The following JPH2 variants were observed in gnomAD, a reference collection of about 807,000 sequenced individuals.
The protein encoded by JPH2 is junctophilin-2.
In JPH2, 38 loss-of-function variants were observed where a neutral mutation model predicts 55.9. The ratio of observed to expected loss-of-function variants is 0.68; its 90% confidence interval spans 0.52 to 0.89. JPH2 has a LOEUF of 0.89. Among genes scored for constraint, JPH2 ranks in the 40% least tolerant of loss-of-function variants. The pLI is 0.00. For missense variants in JPH2, 964 were observed against 1,037.6 expected (o/e 0.93, Z 0.97); for synonymous variants, 480 against 472.4 (o/e 1.02, Z -0.21).
In JPH2 at chr20:44,128,130, C is replaced by T. The variant is rs1441981926; in HGVS notation, c.1170-9507G>A. On this transcript the variant is annotated intron_variant, in intron 2 of 5. Coordinates refer to ENST00000372980, the MANE Select transcript of JPH2 (RefSeq NM_020433.5). ...TTTATTTTAATGGAGTCCAATTTAGCTATCTTTTGTCACTTGTGCTTTTGT... is the reference window on the plus strand; with the variant it reads ...TTTATTTTAATGGAGTCCAATTTAGTTATCTTTTGTCACTTGTGCTTTTGT... 5.9e-5 allele frequency among the ~76,000 whole-genome samples: 9 copies of T among 152,260 alleles called. No individual in the cohort carries two copies. In the South Asian group the frequency reaches 6.2e-4, roughly 11 times the overall value.
At chr20:44,148,171 G>GCAA (rs201971135) in intron 2 of JPH2, among the ~76,000 whole-genome samples, 2 of 151,380 alleles carry the variant, frequency 1.3e-5, no homozygotes, top group Non-Finnish European at 2.9e-5. Context: ...TCAAATAACA[G>GCAA]CAACAACAAC....
chr20:44,129,064 T>C (rs572787181), intron 2 of JPH2, among the ~76,000 whole-genome samples: 2 of 152,284 alleles, frequency 1.3e-5, no homozygotes, highest in South Asian at 2.1e-4. Context: ...AGATTTGTTC[T>C]AGTTGAGGTG....
intron 5 of JPH2, among the ~76,000 whole-genome samples, chr20:44,113,916 AT>A (rs1249030229): frequency 6.6e-6 from 1 of 152,170 alleles, no homozygotes; most frequent in African/African-American, 2.4e-5. Context: ...CCAGGCTGGT[AT>A]TGTCATTGAC....
intron 1 of JPH2, among the ~76,000 whole-genome samples, chr20:44,184,015 C>T (rs1324598259): frequency 8.0e-6 from 1 of 125,342 alleles, no homozygotes; most frequent in Non-Finnish European, 1.7e-5. Context: ...AAAAAATTAG[C>T]CAGGTGAGGT....
At chr20:44,115,310 C>G (rs541218236) in intron 4 of JPH2, among the ~76,000 whole-genome samples, 2 of 152,244 alleles carry the variant, frequency 1.3e-5, no homozygotes, top group Admixed American at 6.5e-5. Flanking sequence ...ACTGCTACAC[C>G]TTGTAGCAGA....
intron 1 of JPH2, among the ~76,000 whole-genome samples, chr20:44,165,152 G>T (rs2018604): frequency 0.58 from 87,725 of 151,912 alleles, 25,631 homozygotes; most frequent in East Asian, 0.67. Context: ...TTCTGCATTT[G>T]AATTGTGCTG....
intron 1 of JPH2, among the ~76,000 whole-genome samples, chr20:44,171,272 C>T (rs6073357): frequency 6.6e-6 from 1 of 151,948 alleles, no homozygotes; most frequent in African/African-American, 2.4e-5. Context: ...TCAACTGATC[C>T]CAGGGGGATT....
At chr20:44,122,835 G>A (rs2072248050) in intron 2 of JPH2, among the ~76,000 whole-genome samples, 1 of 152,166 alleles carries the variant, frequency 6.6e-6, no homozygotes, top group African/African-American at 2.4e-5. Context: ...GCCTGCACGT[G>A]AGTATGTGTG....
At chr20:44,144,075 G>A (rs1056139456) in intron 2 of JPH2, among the ~76,000 whole-genome samples, 7 of 152,198 alleles carry the variant, frequency 4.6e-5, no homozygotes, top group African/African-American at 1.7e-4. Flanking sequence ...CTGCCTGGCT[G>A]TGAAGACCTG....
chr20:44,177,605 C>T (rs1390843282), intron 1 of JPH2: 16 of 1,171,544 alleles, frequency 1.4e-5, no homozygotes, highest in Non-Finnish European at 1.7e-5. Flanking sequence ...CACGCTGATG[C>T]CTGGCTGTGA....
At chr20:44,126,974 A>G (rs992967638) in intron 2 of JPH2, among the ~76,000 whole-genome samples, 2 of 152,248 alleles carry the variant, frequency 1.3e-5, no homozygotes, top group Non-Finnish European at 2.9e-5. Context: ...TGTGCTTAGC[A>G]TGAACTGAGC....
At chr20:44,148,898 C>T (rs1179764815) in intron 2 of JPH2, among the ~76,000 whole-genome samples, 1 of 151,912 alleles carries the variant, frequency 6.6e-6, no homozygotes, top group African/African-American at 2.4e-5. Context: ...CCCGTCTCTA[C>T]TAAAAAAATA....
intron 1 of JPH2, among the ~76,000 whole-genome samples, chr20:44,165,623 A>G (rs2072651098): frequency 6.6e-6 from 1 of 152,106 alleles, no homozygotes; most frequent in Admixed American, 6.5e-5. Context: ...CACAGGCCCT[A>G]CCTGACCTCA....
chr20:44,162,783 T>C lies in JPH2; in HGVS notation c.380-2376A>G, dbSNP rs1221264071. ...ATATATATATATATATATATATATA[T>C]ATATACACACACACACACACACACA... On this transcript the variant is annotated intron_variant, in intron 1 of 5. Transcript: ENST00000372980. Among the ~76,000 whole-genome samples the C allele has an allele frequency of 9.4e-3, 581 of 61,822 alleles. 2 individuals are homozygous for C. The highest frequency in any genetic ancestry group is 0.027 in the African/African-American group (329 of 12,160). The allele number at this position is 61,822 out of a possible 152,430, so 40.6% of individuals were successfully genotyped here.
chr20:44,133,474 C>A (rs1193788064), intron 2 of JPH2, among the ~76,000 whole-genome samples: 1 of 152,068 alleles, frequency 6.6e-6, no homozygotes, highest in Non-Finnish European at 1.5e-5. Context: ...GGCAGCCACA[C>A]AGCAGGGAAG....
intron 1 of JPH2, among the ~76,000 whole-genome samples, 165 bp downstream of exon 1, chr20:44,186,162 A>G (rs1406513971): frequency 6.6e-6 from 1 of 152,114 alleles, no homozygotes; most frequent in African/African-American, 2.4e-5. Flanking sequence ...CTACAAGAAA[A>G]TGGAAGCTCA....
chr20:44,184,918 G>A (rs2072819503), intron 1 of JPH2, among the ~76,000 whole-genome samples: 1 of 152,192 alleles, frequency 6.6e-6, no homozygotes, highest in Non-Finnish European at 1.5e-5. Flanking sequence ...ATAACTGTTT[G>A]TCTGCATGCC....
At chr20:44,117,147 C>T (rs1285207710) in intron 3 of JPH2, among the ~76,000 whole-genome samples, 1 of 152,118 alleles carries the variant, frequency 6.6e-6, no homozygotes, top group Non-Finnish European at 1.5e-5. Context: ...GGCATGGTGG[C>T]GCGTGCCTGT....
rs958132303 is a variant in JPH2 at position 44,177,775 on chromosome 20, G to A, written c.379+8552C>T. 66 of 1,485,842 alleles carry A rather than the reference G, an allele frequency of 4.4e-5. No homozygotes were observed. The African/African-American group carries it at 6.1e-4, about 14-fold the overall frequency. The allele number at this position is 1,485,842 out of a possible 1,614,324, so 92.0% of individuals were successfully genotyped here. ...TTTACTGTTCCAAAGTCAAAAACTC[G>A]TTTTTGTCCTCAAATATCCTCCCGA... On this transcript the variant is annotated intron_variant, in intron 1 of 5. Coordinates refer to ENST00000372980, the MANE Select transcript of JPH2 (RefSeq NM_020433.5).
Sources: allele counts gnomAD v4.1 joint callset (sites outside exome capture counted in the v4.1 genomes callset), GRCh38; gene constraint gnomAD v4.1.1; transcripts MANE v1.5; gene names NCBI Gene and HGNC (gene_info 2026-07-23, HGNC 2026-07-21).